SMOX: variants seen among roughly 807,000 people sequenced by gnomAD.
SMOX encodes flavin containing amine oxidase.
A neutral mutation model predicts 51.0 loss-of-function variants in SMOX; 22 were observed. The observed-to-expected ratio is 0.43, with a 90% CI of 0.31 to 0.62. The LOEUF (loss-of-function observed/expected upper bound fraction) is 0.62, where lower values mean the gene tolerates loss of function less well. Among genes scored for constraint, SMOX ranks in the 20% least tolerant of loss-of-function variants. The pLI, the probability that SMOX is intolerant of heterozygous loss-of-function variation, is 0.10. For missense variants in SMOX, 566 were observed against 777.7 expected (o/e 0.73, Z 3.24); for synonymous variants, 282 against 307.8 (o/e 0.92, Z 0.88).
intron 1 of SMOX, chr20:4,171,822 T>C (rs758015814): frequency 1.3e-5 from 2 of 152,238 alleles, no homozygotes; most frequent in Non-Finnish European, 2.9e-5. Context: ...ACTTGACAAA[T>C]TATTTTCATG....
At chr20:4,156,041 C>T (rs978400548) in intron 1 of SMOX, among the ~76,000 whole-genome samples, 6 of 152,168 alleles carry the variant, frequency 3.9e-5, no homozygotes, top group Admixed American at 1.3e-4. Flanking sequence ...TAACATTTCT[C>T]AAAGACTGTT....
intron 1 of SMOX, among the ~76,000 whole-genome samples, chr20:4,174,152 G>A (rs1978640329): frequency 6.6e-6 from 1 of 152,188 alleles, no homozygotes; most frequent in South Asian, 2.1e-4. Flanking sequence ...GGGGGAGGGC[G>A]GGACTATGTC....
At chr20:4,158,233 C>T (rs969369583) in intron 1 of SMOX, among the ~76,000 whole-genome samples, 7 of 152,130 alleles carry the variant, frequency 4.6e-5, no homozygotes, top group African/African-American at 1.4e-4. Flanking sequence ...GGAGGAGCTA[C>T]GGTGGTGCGT....
At chr20:4,184,094 C>T (rs1457646658) in intron 6 of SMOX, among the ~76,000 whole-genome samples, 1 of 151,796 alleles carries the variant, frequency 6.6e-6, no homozygotes, top group Non-Finnish European at 1.5e-5. Flanking sequence ...ATCCTCCCAC[C>T]TCAGCCTCCC....
intron 1 of SMOX, among the ~76,000 whole-genome samples, chr20:4,159,563 A>G (rs569077829): frequency 6.6e-6 from 1 of 152,340 alleles, no homozygotes; most frequent in South Asian, 2.1e-4. Context: ...GGATTGAGGT[A>G]TTCCACACAA....
intron 6 of SMOX, among the ~76,000 whole-genome samples, chr20:4,186,288 A>G (rs1979727078): frequency 6.6e-6 from 1 of 152,206 alleles, no homozygotes; most frequent in Non-Finnish European, 1.5e-5. Flanking sequence ...AACTGGGGCA[A>G]TAGAGTGAGA....
rs1427874363 is a variant in SMOX at position 4,149,879 on chromosome 20, G to A, written c.-27+902G>A. On this transcript the variant is annotated intron_variant, in intron 1 of 6. Coordinates refer to ENST00000305958, the MANE Select transcript of SMOX (RefSeq NM_175839.3). The surrounding 1 kb of genome is among the most constrained non-coding windows in gnomAD (Gnocchi z 6.0). ...TGGAGCCAGCAGTAGGTGCCCTGGG[G>A]TTACCGGGAGCGACGCGGGCCGGGG... Among the ~76,000 whole-genome samples the A allele has an allele frequency of 6.6e-6, 1 of 152,174 alleles. No homozygotes were observed. The highest frequency in any genetic ancestry group is 6.5e-5 in the Admixed American group (1 of 15,284).
Position 4,149,484 on chromosome 20 carries a change from C to T in SMOX, c.-27+507C>T, listed in dbSNP as rs1021301075. ...CCAGGAGAGGCTGTGCTGACTTCCC[C>T]CTCTGGGCTCCGGGCGTCCGGGTGG... On this transcript the variant is annotated intron_variant, in intron 1 of 6. Coordinates refer to ENST00000305958, the MANE Select transcript of SMOX (RefSeq NM_175839.3). The surrounding 1 kb of genome is among the most constrained non-coding windows in gnomAD (Gnocchi z 6.0). Among the ~76,000 whole-genome samples, 1 of 151,922 alleles carries T rather than the reference C, an allele frequency of 6.6e-6. No homozygotes were observed. The highest frequency in any genetic ancestry group is 1.5e-5 in the Non-Finnish European group (1 of 67,932).
In SMOX at chr20:4,182,886, GCTT is replaced by G. The variant is rs1360102964; in HGVS notation, c.1369+43_1369+45del. 1.9e-6 allele frequency: 3 copies of G among 1,574,228 alleles called. No individual in the cohort carries two copies. Among genetic ancestry groups the G allele is most frequent in the Admixed American group, 1.7e-5 (1 of 58,616 alleles). On this transcript the variant is annotated intron_variant, in intron 5 of 6. Transcript: ENST00000305958. The surrounding 1 kb of genome is among the most constrained non-coding windows in gnomAD (Gnocchi z 8.4). Reference sequence around the variant, plus strand: ...CCCCACGACCCGCTTCCCCCACCCTGCTTCTTCCTCACCTGCCCTCCTCTGGTG... The same window carrying G: ...CCCCACGACCCGCTTCCCCCACCCTGCTTCCTCACCTGCCCTCCTCTGGTG...
Position 4,160,986 on chromosome 20 carries a change from C to A in SMOX, c.-27+12009C>A, listed in dbSNP as rs567788492. Among the ~76,000 whole-genome samples the A allele has an allele frequency of 4.6e-5, 7 of 152,318 alleles. No homozygotes were observed. The South Asian group carries it at 1.0e-3, about 23-fold the overall frequency. On this transcript the variant is annotated intron_variant, in intron 1 of 6. Transcript: ENST00000305958. Reference sequence around the variant, plus strand: ...CACAGTTGGGCTTTGTGCAGAGTCACGAGGGGCCGCTGAGGGGGAACTGCG... The same window carrying A: ...CACAGTTGGGCTTTGTGCAGAGTCAAGAGGGGCCGCTGAGGGGGAACTGCG...
Position 4,183,587 on chromosome 20 carries a change from G to T in SMOX, c.1463G>T (p.Gly488Val). 6.2e-7 allele frequency: 1 copy of T among 1,612,338 alleles called. No individual in the cohort carries two copies. Among genetic ancestry groups the T allele is most frequent in the Non-Finnish European group, 8.5e-7 (1 of 1,179,000 alleles). The change falls in exon 6 of 7, where the codon GGC becomes GTC. Residue 488 changes from glycine to valine, a missense_variant. Physicochemically the swap from Gly to Val is moderately radical, Grantham distance 109 (BLOSUM62 -3). This residue lies in a region of SMOX where 347 missense variants were observed against 481.8 expected (regional missense o/e 0.72). Coordinates refer to ENST00000305958, the MANE Select transcript of SMOX (RefSeq NM_175839.3). The surrounding 1 kb of genome is among the most constrained non-coding windows in gnomAD (Gnocchi z 4.3). The part of the protein sequence containing the change: ...FRGSYSYTQV[G>V]SSGADVEKLA... Reference sequence around the variant, plus strand: ...GGCTCCTATTCATACACGCAGGTGGGCTCCAGCGGGGCGGATGTGGAGAAG... The same window carrying T: ...GGCTCCTATTCATACACGCAGGTGGTCTCCAGCGGGGCGGATGTGGAGAAG...
chr20:4,177,691 A>G lies in SMOX; in HGVS notation c.435+114A>G. 1.1e-6 allele frequency: 1 copy of G among 912,536 alleles called. No homozygotes were observed. The highest frequency in any genetic ancestry group is 1.6e-6 in the Non-Finnish European group (1 of 606,126). The allele number at this position is 912,536 out of a possible 1,614,324, so 56.5% of individuals were successfully genotyped here. ...GCCTTGCATTTGGAAAACCAGGATA[A>G]TGTGAGGGTAAAATGAAAATATTCA... On this transcript the variant is annotated intron_variant, in intron 3 of 6. Coordinates refer to ENST00000305958, the MANE Select transcript of SMOX (RefSeq NM_175839.3). This position sits in a 1 kb window ranked among gnomAD's most constrained non-coding sequence, Gnocchi z 4.3.
chr20:4,186,505 A>T (rs1600830767), intron 6 of SMOX, among the ~76,000 whole-genome samples: 1 of 152,096 alleles, frequency 6.6e-6, no homozygotes, highest in Non-Finnish European at 1.5e-5. Flanking sequence ...TCCCCCGAGC[A>T]AGGCCTGCTT....
Position 4,187,588 on chromosome 20 carries a change from G to A in SMOX, c.*181G>A. ...TTTCTTTTTCTCCAGGCTGGGCCGT[G>A]AGCAGGTGGGCCGTTGAGTTACCTC... is the stretch of plus-strand genomic sequence containing the variant. On this transcript the variant is annotated 3_prime_UTR_variant, in exon 7 of 7. Transcript: ENST00000305958. This position sits in a 1 kb window ranked among gnomAD's most constrained non-coding sequence, Gnocchi z 4.8. 2.3e-6 allele frequency: 2 copies of A among 852,930 alleles called. No individual in the cohort carries two copies. The highest frequency in any genetic ancestry group is 2.7e-4 in the Middle Eastern group (1 of 3,750). 52.8% of individuals were successfully genotyped at this position (852,930 alleles called of 1,614,324 possible). A position where few individuals can be genotyped will look rare whatever the true frequency, so the allele number is the denominator to read the frequency against.
chr20:4,168,397 G>C (rs1368641522), intron 1 of SMOX, among the ~76,000 whole-genome samples: 2 of 152,174 alleles, frequency 1.3e-5, no homozygotes, highest in African/African-American at 4.8e-5. Flanking sequence ...AAGTGAGCCA[G>C]GTGGGCCAAT....
intron 3 of SMOX, among the ~76,000 whole-genome samples, chr20:4,179,562 A>G (rs905245583): frequency 1.1e-4 from 17 of 152,234 alleles, no homozygotes; most frequent in African/African-American, 4.1e-4. Flanking sequence ...GCCCCCAAAG[A>G]TGATGACGTT....
intron 1 of SMOX, among the ~76,000 whole-genome samples, chr20:4,150,132 A>C (rs1458200229): frequency 6.6e-6 from 1 of 152,162 alleles, no homozygotes; most frequent in Non-Finnish European, 1.5e-5. Context: ...CATTATAAGA[A>C]ATATGCCTTG....
intron 1 of SMOX, among the ~76,000 whole-genome samples, chr20:4,155,415 T>TC (rs1555812787): frequency 4.6e-5 from 7 of 150,596 alleles, no homozygotes; most frequent in Admixed American, 4.6e-4. Flanking sequence ...TACGTGGGAG[T>TC]GGGGGGGGCC....
chr20:4,184,076 C>A (rs1319913935), intron 6 of SMOX, among the ~76,000 whole-genome samples: 2 of 151,674 alleles, frequency 1.3e-5, no homozygotes, highest in African/African-American at 4.9e-5. Flanking sequence ...ACCTCCTGGG[C>A]TCAAGTGATC....
Sources: allele counts gnomAD v4.1 joint callset (sites outside exome capture counted in the v4.1 genomes callset), GRCh38; gene constraint gnomAD v4.1.1; regional missense constraint gnomAD v4.1.1; non-coding constraint Gnocchi (gnomAD v3.1); transcripts MANE v1.5; gene names NCBI Gene and HGNC (gene_info 2026-07-23, HGNC 2026-07-21).